EFHC2: variants seen among roughly 807,000 people sequenced by gnomAD.
EFHC2 encodes the protein EF-hand domain containing 2.
EFHC2 carries 18 observed loss-of-function variants against 52.7 expected under a neutral mutation model. The observed-to-expected ratio is 0.34, with a 90% CI of 0.24 to 0.51. The LOEUF (loss-of-function observed/expected upper bound fraction) is 0.51, where lower values mean the gene tolerates loss of function less well. Ranked by LOEUF, EFHC2 falls within the 20% of genes least tolerant of loss-of-function variation. EFHC2 has a pLI of 0.97. For missense variants in EFHC2, 513 were observed against 562.5 expected, an observed-to-expected ratio of 0.91 and a Z score of 0.89; for synonymous variants, 203 against 204.1, an observed-to-expected ratio of 0.99 and a Z score of 0.04.
At chrX:44,202,505 A>G (rs2037014742) in intron 11 of EFHC2, among the ~76,000 whole-genome samples, 1 of 112,572 alleles carries the variant, frequency 8.9e-6, no homozygotes, top group Non-Finnish European at 1.9e-5. Context: ...CAGCTACAAT[A>G]ACAATAAAAC....
chrX:44,170,250 GT>G (rs143204558), intron 13 of EFHC2, among the ~76,000 whole-genome samples: 9,298 of 110,902 alleles, frequency 0.084, 359 homozygotes, highest in Admixed American at 0.17. Flanking sequence ...GAGTCTCTCA[GT>G]TTTCCTCCCT....
intron 4 of EFHC2, among the ~76,000 whole-genome samples, chrX:44,251,235 T>G: frequency 2.4e-5 from 1 of 41,320 alleles, no homozygotes; most frequent in South Asian, 3.1e-3. Flanking sequence ...TGAGACTCCA[T>G]CTCAAAAAAA....
At chrX:44,214,213 C>T (rs1358036044) in intron 11 of EFHC2, among the ~76,000 whole-genome samples, 1 of 111,690 alleles carries the variant, frequency 9.0e-6, no homozygotes, top group Non-Finnish European at 1.9e-5. Flanking sequence ...ATGTCAGACA[C>T]CAAATCACAG....
At chrX:44,336,156 G>A (rs979786993) in intron 1 of EFHC2, among the ~76,000 whole-genome samples, 64 of 109,318 alleles carry the variant, frequency 5.9e-4, no homozygotes, top group African/African-American at 2.1e-3. Flanking sequence ...GGAGGCCGAG[G>A]TGGGTGGATC....
chrX:44,240,110 A>T (rs1040005197), intron 8 of EFHC2, among the ~76,000 whole-genome samples: 1 of 111,985 alleles, frequency 8.9e-6, no homozygotes, highest in African/African-American at 3.3e-5. Flanking sequence ...TTTGTATTTT[A>T]AAAAACTATT....
intron 2 of EFHC2, among the ~76,000 whole-genome samples, chrX:44,295,144 T>C (rs569832124): frequency 9.0e-6 from 1 of 111,579 alleles, no homozygotes; most frequent in African/African-American, 3.3e-5. Context: ...TTAACCACTA[T>C]GCCCTGAACT....
intron 11 of EFHC2, among the ~76,000 whole-genome samples, chrX:44,195,299 C>T (rs2036955678): frequency 9.0e-6 from 1 of 111,686 alleles, no homozygotes; most frequent in Non-Finnish European, 1.9e-5. Flanking sequence ...TAGCCCGCTG[C>T]TCCTTGAAGG....
chrX:44,282,267 A>G (rs1602195482), intron 2 of EFHC2, among the ~76,000 whole-genome samples: 1 of 107,844 alleles, frequency 9.3e-6, no homozygotes, highest in East Asian at 3.0e-4. Context: ...ACATGAGGCA[A>G]TAAGAAAAAT....
rs186264107 is a variant in EFHC2, at chrX:44,287,197, A to T, written c.232-14361T>A. Among the ~76,000 whole-genome samples the T allele has an allele frequency of 2.3e-4, 26 of 111,024 alleles. No homozygotes were observed. In the East Asian group the frequency reaches 7.2e-3, roughly 31 times the overall value. ...TAGTGAAACCTCGTTTCTAAAAAAA[A>T]ATTTTTTAAATAAAAAATGTAAGTA... On this transcript the variant is annotated intron_variant, in intron 2 of 14. Transcript: ENST00000420999.
At chrX:44,339,883 A>T (rs749755814) in intron 1 of EFHC2, among the ~76,000 whole-genome samples, 5 of 111,860 alleles carry the variant, frequency 4.5e-5, no homozygotes, top group Non-Finnish European at 9.4e-5. Flanking sequence ...TGTGGGCAAC[A>T]CACAGTACAT....
At chrX:44,314,786 TCA>T (rs1366040089) in intron 1 of EFHC2, among the ~76,000 whole-genome samples, 13 of 111,684 alleles carry the variant, frequency 1.2e-4, no homozygotes, top group African/African-American at 4.2e-4. Context: ...CTCCGAGTAA[TCA>T]CAAAGTCACC....
intron 11 of EFHC2, among the ~76,000 whole-genome samples, chrX:44,219,093 T>C (rs1325675499): frequency 9.7e-6 from 1 of 103,175 alleles, no homozygotes; most frequent in East Asian, 3.0e-4. Context: ...GAGTACACAC[T>C]GTATAATTCC....
chrX:44,155,826 CA>C (rs753619779), intron 14 of EFHC2, among the ~76,000 whole-genome samples: 3 of 112,415 alleles, frequency 2.7e-5, no homozygotes, highest in East Asian at 5.6e-4. Flanking sequence ...TTAAGCAAAT[CA>C]AATTGAAATA....
chrX:44,191,211 A>C (rs758538997), intron 11 of EFHC2, among the ~76,000 whole-genome samples: 1 of 111,030 alleles, frequency 9.0e-6, no homozygotes, highest in East Asian at 2.8e-4. Context: ...ATTCACCAAA[A>C]TTGGGTAAAT....
chrX:44,339,165 T>TG (rs202150900), intron 1 of EFHC2, among the ~76,000 whole-genome samples: 9,233 of 99,277 alleles, frequency 0.093, 748 homozygotes, highest in African/African-American at 0.25. Context: ...CGCTCCAGCC[T>TG]GGGTGACAGA....
intron 11 of EFHC2, among the ~76,000 whole-genome samples, chrX:44,184,723 CAAA>C (rs34983921): frequency 4.8e-4 from 22 of 46,182 alleles, no homozygotes; most frequent in South Asian, 2.6e-3. Context: ...AATTCCATCT[CAAA>C]AAAAAAAAAA....
chrX:44,174,653 G>GC (rs1430273080), intron 13 of EFHC2, among the ~76,000 whole-genome samples: 1 of 101,327 alleles, frequency 9.9e-6, no homozygotes, highest in East Asian at 3.3e-4. Context: ...AAAAAAAAAG[G>GC]GGGGGGGAGG....
At chrX:44,311,252 G>A (rs907996797) in intron 2 of EFHC2, among the ~76,000 whole-genome samples, 1 of 111,009 alleles carries the variant, frequency 9.0e-6, no homozygotes, top group Non-Finnish European at 1.9e-5. Flanking sequence ...GCCTCCCTGT[G>A]GTCTGTTAGA....
At position 44,213,084 on chromosome X, in the gene EFHC2, A is replaced by C. The variant is rs980380071; in HGVS notation, c.1751+16565T>G. Reference sequence around the variant, plus strand: ...ATATTACAAGGTATGCTAAAAGGCAAAAAAAAAAAAAAAAAGTTTGAAAAT... The same window carrying C: ...ATATTACAAGGTATGCTAAAAGGCACAAAAAAAAAAAAAAAGTTTGAAAAT... On this transcript the variant is annotated intron_variant, in intron 11 of 14. Transcript: ENST00000420999. 4.7e-3 allele frequency among the ~76,000 whole-genome samples: 293 copies of C among 62,599 alleles called. 1 individual carries two copies. Among genetic ancestry groups the C allele is most frequent in the African/African-American group, 0.017 (274 of 15,864 alleles). The allele number at this position is 62,599 out of a possible 115,157, so 54.4% of individuals were successfully genotyped here. A position where few individuals can be genotyped will look rare whatever the true frequency, so the allele number is the denominator to read the frequency against.
Sources: allele counts gnomAD v4.1 joint callset (sites outside exome capture counted in the v4.1 genomes callset), GRCh38; gene constraint gnomAD v4.1.1; transcripts MANE v1.5; gene names NCBI Gene and HGNC (gene_info 2026-07-23, HGNC 2026-07-21).